The following PRTN3 variants were observed in gnomAD, a reference collection of about 807,000 sequenced individuals.
PRTN3 encodes myeloblastin.
A neutral mutation model predicts 20.7 loss-of-function variants in PRTN3; 22 were observed. The ratio of observed to expected loss-of-function variants is 1.06; its 90% CI spans 0.76 to 1.52. PRTN3 has a LOEUF of 1.52. Among genes scored for constraint, PRTN3 ranks in the 40% most tolerant of loss-of-function variants. The pLI is 0.00. For missense variants in PRTN3, 378 were observed against 359.6 expected, an observed-to-expected ratio of 1.05 and a Z score of -0.41; for synonymous variants, 173 against 152.9, an observed-to-expected ratio of 1.13 and a Z score of -0.97.
chr19:842,405 C>A (rs1450082221), intron 1 of PRTN3, among the ~76,000 whole-genome samples: 2 of 122,860 alleles, frequency 1.6e-5, no homozygotes, highest in African/African-American at 3.5e-5. Flanking sequence ...TGAGCCACTG[C>A]GCCCAGGATT....
intron 3 of PRTN3, among the ~76,000 whole-genome samples, chr19:845,535 C>G (rs6510982): frequency 0.8 from 121,244 of 151,626 alleles, 48,662 homozygotes; most frequent in African/African-American, 0.86. Context: ...ATCGATATGG[C>G]AAACCCCGTG....
chr19:846,097 C>T, intron 3 of PRTN3, 50 bp from the exon 4 acceptor site: 2 of 1,367,828 alleles, frequency 1.5e-6, no homozygotes, highest in Non-Finnish European at 1.9e-6. Context: ...GCCCGGGCGG[C>T]CACCGTGACC....
chr19:843,198 G>C (rs1220631849), intron 1 of PRTN3: 8 of 499,996 alleles, frequency 1.6e-5, no homozygotes, highest in Non-Finnish European at 2.8e-5. Context: ...TTACAGGCGT[G>C]AGCCACTGCA....
intron 1 of PRTN3, among the ~76,000 whole-genome samples, chr19:842,888 C>A (rs1030670459): frequency 1.3e-5 from 2 of 149,134 alleles, no homozygotes; most frequent in African/African-American, 2.5e-5. Flanking sequence ...CGCACCCGAC[C>A]AATTTTTCTG....
chr19:845,105 G>T (rs1235250175), intron 3 of PRTN3, among the ~76,000 whole-genome samples: 4 of 151,862 alleles, frequency 2.6e-5, no homozygotes, highest in African/African-American at 9.7e-5. Context: ...GCACCAACAC[G>T]CTTGGCTAAT....
chr19:841,305 G>T lies in PRTN3; in HGVS notation c.61+236G>T, dbSNP rs185723781. On this transcript the variant is annotated intron_variant, in intron 1 of 4. Coordinates refer to ENST00000234347, the MANE Select transcript of PRTN3 (RefSeq NM_002777.4). ...CTATCTGTAAAACGGGCAAAACCCA[G>T]CCCTTCCCTCCTGAGGAGCTGTTTT... is the stretch of plus-strand genomic sequence containing the variant. Among the ~76,000 whole-genome samples, 454 of 152,344 alleles carry T rather than the reference G, an allele frequency of 3.0e-3. 4 individuals are homozygous for T. Among genetic ancestry groups the T allele is most frequent in the African/African-American group, 0.011 (447 of 41,570 alleles).
intron 1 of PRTN3, among the ~76,000 whole-genome samples, chr19:841,725 C>CT (rs1568298360): frequency 2.4e-5 from 3 of 123,342 alleles, no homozygotes; most frequent in African/African-American, 9.0e-5. Context: ...TTTTCTTTTT[C>CT]TTTTTCTTTT....
rs750363958 is a variant in PRTN3, at chr19:843,528, C to G, written c.129C>G (p.Ala43=). The change falls in exon 2 of 5, where the codon GCC becomes GCG. Residue 43 remains alanine (A), a synonymous_variant. Transcript: ENST00000234347. ...EAQPHSRPYM[A]SLQMRGNPGS... ...AGCCACACTCCCGGCCCTACATGGC[C>G]TCCCTGCAGATGCGGGGGAACCCGG... 6 of 1,594,686 alleles carry G rather than the reference C, an allele frequency of 3.8e-6. No individual in the cohort carries two copies. The highest frequency in any genetic ancestry group is 5.1e-6 in the Non-Finnish European group (6 of 1,173,450).
rs1164232481 is a variant in PRTN3, at chr19:846,463, G to C, written c.600+86G>C. Reference sequence around the variant, plus strand: ...CAGGGTTCCACGCCACCTCTTAGCTGTGTGGCTTCATGCTGTGCCTCAGTC... The same window carrying C: ...CAGGGTTCCACGCCACCTCTTAGCTCTGTGGCTTCATGCTGTGCCTCAGTC... On this transcript the variant is annotated intron_variant, in intron 4 of 4. Coordinates refer to ENST00000234347, the MANE Select transcript of PRTN3 (RefSeq NM_002777.4). 9 of 1,315,034 alleles carry C rather than the reference G, an allele frequency of 6.8e-6. No homozygotes were observed. The East Asian group carries it at 1.8e-4, about 26-fold the overall frequency. The allele number at this position is 1,315,034 out of a possible 1,614,324, so 81.5% of individuals were successfully genotyped here.
At chr19:843,361 A>T (rs905408396) in intron 1 of PRTN3, 100 bp from the exon 2 acceptor site, 15 of 1,302,354 alleles carry the variant, frequency 1.2e-5, no homozygotes, top group Non-Finnish European at 1.4e-5. Context: ...CGGGTTGCAG[A>T]TCGGGAGACG....
At chr19:846,410 G>A (rs1187355071) in intron 4 of PRTN3, 33 bp downstream of exon 4, 1 of 1,540,612 alleles carries the variant, frequency 6.5e-7, no homozygotes, top group Non-Finnish European at 8.8e-7. Context: ...CGGGCACCGG[G>A]CTGCCATGAG....
intron 3 of PRTN3, among the ~76,000 whole-genome samples, chr19:845,505 A>G (rs989857611): frequency 6.6e-6 from 1 of 151,880 alleles, no homozygotes; most frequent in African/African-American, 2.4e-5. Context: ...GCCTGAGGTC[A>G]GGAGTTTGAG....
rs746607687 is a variant in PRTN3, at chr19:843,896, C to A, written c.231C>A (p.Pro77=). 13 of 1,590,470 alleles carry A rather than the reference C, an allele frequency of 8.2e-6. No homozygotes were observed. Among genetic ancestry groups the A allele is most frequent in the Middle Eastern group, 1.8e-4 (1 of 5,682 alleles). The change falls in exon 3 of 5, where the codon CCC becomes CCA. Residue 77 remains proline (P), a synonymous_variant. Transcript: ENST00000234347. ...LTAAHCLRDI[P]QRLVNVVLGA... The stretch of plus-strand genomic sequence containing the variant: ...AGTGACCACCCCACCCCCGCAGACC[C>A]CAGCGCCTGGTGAACGTGGTGCTCG...
At chr19:846,042 G>A (rs1346391790) in intron 3 of PRTN3, 105 bp from the exon 4 acceptor site, 34 of 752,504 alleles carry the variant, frequency 4.5e-5, no homozygotes, top group East Asian at 9.3e-5. Flanking sequence ...AGCGGCATCC[G>A]CGGCGTTTTG....
intron 1 of PRTN3, among the ~76,000 whole-genome samples, chr19:842,770 T>C (rs546027271): frequency 6.6e-6 from 1 of 151,982 alleles, no homozygotes. Flanking sequence ...GTATTTTTAG[T>C]AGAGACAGGG....
chr19:841,378 A>G (rs2035435910), intron 1 of PRTN3, among the ~76,000 whole-genome samples: 1 of 152,228 alleles, frequency 6.6e-6, no homozygotes, highest in Admixed American at 6.6e-5. Flanking sequence ...CCCAGCCTTC[A>G]GCAAATGCTC....
intron 4 of PRTN3, among the ~76,000 whole-genome samples, chr19:847,521 A>G (rs1229809582): frequency 1.4e-5 from 2 of 139,638 alleles, no homozygotes; most frequent in Non-Finnish European, 3.2e-5. Flanking sequence ...AAGAAAGAAA[A>G]AGAGAGAAAG....
chr19:846,309 G>A lies in PRTN3; in HGVS notation c.532G>A (p.Val178Ile). Residue 178 changes from valine (V) to isoleucine (I), a missense_variant, in exon 4 of 5, where the codon GTC (valine) becomes ATC (isoleucine). By Grantham distance (29) the Val-to-Ile change is conservative. Coordinates refer to ENST00000234347, the MANE Select transcript of PRTN3 (RefSeq NM_002777.4). ...QVLQELNVTV[V>I]TFFCRPHNIC... ...CCTGCAGGAGCTCAATGTCACCGTGGTCACCTTCTTCTGCCGGCCACATAA... is the reference window on the plus strand; with the variant it reads ...CCTGCAGGAGCTCAATGTCACCGTGATCACCTTCTTCTGCCGGCCACATAA... 6.3e-7 allele frequency: 1 copy of A among 1,593,468 alleles called. No individual in the cohort carries two copies. The highest frequency in any genetic ancestry group is 8.5e-7 in the Non-Finnish European group (1 of 1,170,652).
At chr19:842,327 T>A (rs1377049766) in intron 1 of PRTN3, among the ~76,000 whole-genome samples, 1 of 151,338 alleles carries the variant, frequency 6.6e-6, no homozygotes, top group Non-Finnish European at 1.5e-5. Context: ...GATTTTTTTT[T>A]TTTTTTTTGC....
Sources: allele counts gnomAD v4.1 joint callset (sites outside exome capture counted in the v4.1 genomes callset), GRCh38; gene constraint gnomAD v4.1.1; transcripts MANE v1.5; gene names NCBI Gene and HGNC (gene_info 2026-07-23, HGNC 2026-07-21).